Variants in MTUS1 observed in about 807,000 individuals in gnomAD.
The protein encoded by MTUS1 is microtubule associated scaffold protein 1.
A neutral mutation model predicts 120.8 loss-of-function variants in MTUS1; 109 were observed. That is an observed-to-expected ratio of 0.90 (90% CI 0.77 to 1.06). The LOEUF (loss-of-function observed/expected upper bound fraction) is 1.06. Ranked by LOEUF, MTUS1 falls within the 50% of genes least tolerant of loss-of-function variation. The pLI is 0.00. For missense variants in MTUS1, 2,210 were observed against 1,486.3 expected, an observed-to-expected ratio of 1.49 and a Z score of -8.01; for synonymous variants, 737 against 550.5, an observed-to-expected ratio of 1.34 and a Z score of -4.74.
chr8:17,675,519 G>A (rs1355434130), intron 7 of MTUS1, among the ~76,000 whole-genome samples: 3 of 152,216 alleles, frequency 2.0e-5, no homozygotes, highest in African/African-American at 7.2e-5. Context: ...TTTACTTTGA[G>A]CCAGTGCTTC....
At chr8:17,669,781 G>A (rs1379583138) in intron 8 of MTUS1, among the ~76,000 whole-genome samples, 2 of 152,132 alleles carry the variant, frequency 1.3e-5, no homozygotes, top group East Asian at 1.9e-4. Context: ...GGAGGTGGAG[G>A]TTGCAGTGAC....
At chr8:17,732,453 GGA>G (rs1222340757) in intron 3 of MTUS1, among the ~76,000 whole-genome samples, 9 of 152,158 alleles carry the variant, frequency 5.9e-5, no homozygotes, top group African/African-American at 2.2e-4. Context: ...TCTTGACTCT[GGA>G]GAGTCCAGGG....
In MTUS1 at chr8:17,646,073, T is replaced by C. The variant is rs756246364; in HGVS notation, c.3666A>G (p.Arg1222=). Residue 1222 remains arginine (R), a synonymous_variant, in exon 15 of 15, where the codon CGA becomes CGG. Transcript: ENST00000693296. ...SLEKESKVNK[R]LSMENEELLW... ...GAAGCTCCTCGTTTTCCATAGAGAG[T>C]CGCTTGTTGACTTTCGACTCCTTCT... The C allele has an allele frequency of 1.9e-6, 3 of 1,612,874 alleles. No homozygotes were observed. The highest frequency in any genetic ancestry group is 1.7e-4 in the Middle Eastern group (1 of 5,972).
intron 6 of MTUS1, among the ~76,000 whole-genome samples, chr8:17,694,146 C>CA (rs1369557837): frequency 2.0e-5 from 3 of 152,168 alleles, no homozygotes; most frequent in African/African-American, 7.2e-5. Flanking sequence ...GGGCTGGTCT[C>CA]AAACTCCTAG....
rs759806364 is a variant in MTUS1 at position 17,654,678 on chromosome 8, A to G, written c.3109-12T>C. The G allele has an allele frequency of 1.9e-5, 31 of 1,600,870 alleles. No homozygotes were observed. The highest frequency in any genetic ancestry group is 2.7e-5 in the Non-Finnish European group (31 of 1,167,982). On this transcript the variant is annotated splice_polypyrimidine_tract_variant and intron_variant, in intron 9 of 14. Coordinates refer to ENST00000693296, the MANE Select transcript of MTUS1 (RefSeq NM_001363059.2). ...TTTAAGTTGTCAAACTGTAAGCAAC[A>G]AACAAAACCGTGGTTTAACAGTAAA...
intron 3 of MTUS1, among the ~76,000 whole-genome samples, chr8:17,726,368 C>T (rs533884721): frequency 3.9e-5 from 6 of 152,300 alleles, no homozygotes; most frequent in African/African-American, 1.2e-4. Flanking sequence ...GTACTTGTTT[C>T]TATCACAGCA....
At chr8:17,707,431 G>A (rs1047258023) in intron 6 of MTUS1, among the ~76,000 whole-genome samples, 16 of 151,958 alleles carry the variant, frequency 1.1e-4, no homozygotes, top group African/African-American at 3.4e-4. Flanking sequence ...ACTAACCATC[G>A]AGAAGAACCT....
chr8:17,753,572 G>T (rs1435940792), intron 2 of MTUS1, 145 bp downstream of exon 2: 7 of 598,310 alleles, frequency 1.2e-5, no homozygotes, highest in Admixed American at 1.0e-4. Context: ...CCCCAGTACT[G>T]ACAAGACAAT....
chr8:17,728,788 G>C (rs1053222573), intron 3 of MTUS1, among the ~76,000 whole-genome samples: 1 of 151,984 alleles, frequency 6.6e-6, no homozygotes, highest in Admixed American at 6.6e-5. Context: ...GGGTTGGGGG[G>C]GTCGGGGAGG....
intron 1 of MTUS1, among the ~76,000 whole-genome samples, chr8:17,793,607 A>C (rs2051979841): frequency 1.3e-5 from 2 of 152,296 alleles, no homozygotes; most frequent in Admixed American, 1.3e-4. Context: ...CCCTATCCTT[A>C]AGGAGCTTAC....
At chr8:17,701,268 C>T (rs1329865604) in intron 6 of MTUS1, among the ~76,000 whole-genome samples, 1 of 152,084 alleles carries the variant, frequency 6.6e-6, no homozygotes, top group Non-Finnish European at 1.5e-5. Flanking sequence ...GTAGTAAGTT[C>T]AATTCTCTAT....
Position 17,692,658 on chromosome 8 carries a change from G to A in MTUS1, c.2624-8116C>T, listed in dbSNP as rs557244926. Among the ~76,000 whole-genome samples the A allele has an allele frequency of 9.2e-5, 14 of 152,264 alleles. No homozygotes were observed. In the South Asian group the frequency reaches 2.5e-3, roughly 27 times the overall value. ...AACACAAAGAAGGGAAACAACAGAT[G>A]GGGGTCTAATTGAGGGTGCAGGGTA... On this transcript the variant is annotated intron_variant, in intron 6 of 14. Coordinates refer to ENST00000693296, the MANE Select transcript of MTUS1 (RefSeq NM_001363059.2).
At chr8:17,724,357 C>G (rs1329119905) in intron 3 of MTUS1, among the ~76,000 whole-genome samples, 1 of 152,152 alleles carries the variant, frequency 6.6e-6, no homozygotes, top group Non-Finnish European at 1.5e-5. Flanking sequence ...TAACTGAAAA[C>G]TTTAACAAAA....
intron 1 of MTUS1, among the ~76,000 whole-genome samples, chr8:17,761,842 A>C (rs916690170): frequency 6.6e-6 from 1 of 152,242 alleles, no homozygotes; most frequent in African/African-American, 2.4e-5. Flanking sequence ...TCTTCTTAAA[A>C]GTTTTTAAGA....
intron 6 of MTUS1, among the ~76,000 whole-genome samples, chr8:17,711,133 A>G (rs962015391): frequency 2.0e-5 from 3 of 152,198 alleles, no homozygotes; most frequent in African/African-American, 7.2e-5. Context: ...GAATTTTCAG[A>G]ATGGTAAGTG....
intron 1 of MTUS1, among the ~76,000 whole-genome samples, chr8:17,768,870 T>G (rs916249687): frequency 6.6e-6 from 1 of 152,166 alleles, no homozygotes; most frequent in Non-Finnish European, 1.5e-5. Context: ...TTTACACCAA[T>G]AAAGATTAAA....
At chr8:17,742,283 TTG>T (rs1563302311) in intron 3 of MTUS1, among the ~76,000 whole-genome samples, 36 of 74,900 alleles carry the variant, frequency 4.8e-4, no homozygotes, top group African/African-American at 2.0e-3. Flanking sequence ...TTTTTTTTTG[TTG>T]TTGTTGTTTT....
At chr8:17,742,271 TTTTTTTTTTTGTTG>T (rs2047375284) in intron 3 of MTUS1, among the ~76,000 whole-genome samples, 1 of 122,336 alleles carries the variant, frequency 8.2e-6, no homozygotes, top group East Asian at 2.3e-4. Context: ...GCCCAGCTGT[TTTTTTTTTTTGTTG>T]TTGTTGTTTT....
At chr8:17,785,193 TCAAAGAGCCTC>T (rs34235925) in intron 1 of MTUS1, among the ~76,000 whole-genome samples, 102,498 of 151,372 alleles carry the variant, frequency 0.68, 36,612 homozygotes, top group Non-Finnish European at 0.8. Context: ...GTCCCAGCCT[TCAAAGAGCCTC>T]CAAAGAGCCT....
Sources: allele counts gnomAD v4.1 joint callset (sites outside exome capture counted in the v4.1 genomes callset), GRCh38; gene constraint gnomAD v4.1.1; transcripts MANE v1.5; gene names NCBI Gene and HGNC (gene_info 2026-07-23, HGNC 2026-07-21).